ADAMTSL3: variants seen among roughly 807,000 people sequenced by gnomAD.
The protein encoded by ADAMTSL3 is ADAMTS-like protein 3.
Under a neutral mutation model 201.7 loss-of-function variants are expected in ADAMTSL3, and 128 were observed. That is an observed-to-expected ratio of 0.63 (90% CI 0.55 to 0.73). The LOEUF (loss-of-function observed/expected upper bound fraction) is 0.73, where lower values mean the gene tolerates loss of function less well. Ranked by LOEUF, ADAMTSL3 falls within the 30% of genes least tolerant of loss-of-function variation. The probability of loss-of-function intolerance (pLI) is 0.00; values close to 1 mark genes in which losing one functional copy is unlikely to be tolerated. For synonymous variants in ADAMTSL3, 738 were observed against 748.4 expected (o/e 0.99, Z 0.23); for missense variants, 1,990 against 2,119.6 (o/e 0.94, Z 1.20).
Position 83,982,934 on chromosome 15 carries a change from C to T in ADAMTSL3, c.3306C>T (p.Asn1102=), listed in dbSNP as rs900978210. Residue 1102 remains asparagine, a synonymous_variant, in exon 21 of 30, where the codon AAC becomes AAT. Transcript: ENST00000286744. ...DTAQFDELIR[N]MSQLMETGEV... The stretch of plus-strand genomic sequence containing the variant: ...CCCAGTTTGATGAGCTGATAAGAAA[C>T]ATGAGTCAGCTCATGGAAACCGGAG... The T allele has an allele frequency of 1.2e-6, 2 of 1,613,972 alleles. No homozygotes were observed. Among genetic ancestry groups the T allele is most frequent in the African/African-American group, 2.7e-5 (2 of 74,914 alleles).
rs554474406 is a variant in ADAMTSL3 at position 83,868,388 on chromosome 15, T to C, written c.803-2414T>C. Among the ~76,000 whole-genome samples, 5 of 152,360 alleles carry C rather than the reference T, an allele frequency of 3.3e-5. No homozygotes were observed. The East Asian group carries it at 9.6e-4, about 29-fold the overall frequency. On this transcript the variant is annotated intron_variant, in intron 8 of 29. Coordinates refer to ENST00000286744, the MANE Select transcript of ADAMTSL3 (RefSeq NM_207517.3). ...ACACCACAAACTCCTTTTTTTGTCA[T>C]TTATTTTTAAGAGGCACCAGCACAA...
chr15:83,937,151 A>G (rs2066475399), intron 17 of ADAMTSL3, among the ~76,000 whole-genome samples: 1 of 151,012 alleles, frequency 6.6e-6, no homozygotes, highest in African/African-American at 2.5e-5. Context: ...CAGCAATTTC[A>G]TTATTGGGTA....
chr15:83,811,232 G>T (rs2063690617), intron 5 of ADAMTSL3, among the ~76,000 whole-genome samples: 1 of 152,166 alleles, frequency 6.6e-6, no homozygotes, highest in South Asian at 2.1e-4. Context: ...GGCCAAGGTG[G>T]TGCATTATTT....
At chr15:83,724,290 G>A (rs1181282369) in intron 3 of ADAMTSL3, among the ~76,000 whole-genome samples, 1 of 151,638 alleles carries the variant, frequency 6.6e-6, no homozygotes, top group Admixed American at 6.6e-5. Flanking sequence ...GTAGAGACAC[G>A]GGTTTCACCA....
At chr15:83,844,076 G>A (rs1402744815) in intron 7 of ADAMTSL3, among the ~76,000 whole-genome samples, 1 of 152,150 alleles carries the variant, frequency 6.6e-6, no homozygotes, top group African/African-American at 2.4e-5. Context: ...TCCTTATTTT[G>A]GTCTTGTCCA....
chr15:83,996,837 G>C (rs1396399184), intron 23 of ADAMTSL3, among the ~76,000 whole-genome samples: 1 of 132,698 alleles, frequency 7.5e-6, no homozygotes, highest in Non-Finnish European at 1.6e-5. Context: ...GCAATTGTCA[G>C]AAAGTGAAAC....
Position 83,892,844 on chromosome 15 carries a change from A to G in ADAMTSL3, c.1423A>G (p.Asn475Asp). 1.2e-6 allele frequency: 2 copies of G among 1,614,088 alleles called. No individual in the cohort carries two copies. The highest frequency in any genetic ancestry group is 1.7e-6 in the Non-Finnish European group (2 of 1,180,000). The change falls in exon 13 of 30, where the codon AAT (asparagine) becomes GAT (aspartate). Residue 475 changes from asparagine to aspartate, a missense_variant. Physicochemically the swap from Asn to Asp is conservative, Grantham distance 23. Coordinates refer to ENST00000286744, the MANE Select transcript of ADAMTSL3 (RefSeq NM_207517.3). Reference sequence around the variant, plus strand: ...CAAACCCAAGGTTATGCAAACTTGTAATCTGTTTGATTGCCCCAAGTGGAT... The same window carrying G: ...CAAACCCAAGGTTATGCAAACTTGTGATCTGTTTGATTGCCCCAAGTGGAT... ...APKPKVMQTC[N>D]LFDCPKWIAM...
At chr15:83,862,148 G>A (rs1454780111) in intron 8 of ADAMTSL3, 1 of 152,210 alleles carries the variant, frequency 6.6e-6, no homozygotes, top group African/African-American at 2.4e-5. Context: ...TCTGATTGGT[G>A]TACCTGAAAG....
chr15:83,802,736 G>A (rs2063544143), intron 4 of ADAMTSL3, among the ~76,000 whole-genome samples: 1 of 152,162 alleles, frequency 6.6e-6, no homozygotes, highest in Admixed American at 6.5e-5. Context: ...GAGCATTTTT[G>A]GGGTGATGGA....
intron 15 of ADAMTSL3, among the ~76,000 whole-genome samples, chr15:83,911,503 G>A (rs2065934097): frequency 6.6e-6 from 1 of 152,280 alleles, no homozygotes; most frequent in African/African-American, 2.4e-5. Context: ...TACCATGAGA[G>A]TAGCAGAGAA....
chr15:83,803,027 T>A (rs1489978946), intron 4 of ADAMTSL3, among the ~76,000 whole-genome samples: 3 of 152,186 alleles, frequency 2.0e-5, no homozygotes, highest in Non-Finnish European at 4.4e-5. Flanking sequence ...AAAATAATGC[T>A]TGTATAATGG....
chr15:83,667,391 G>T (rs955525516), intron 2 of ADAMTSL3, among the ~76,000 whole-genome samples: 1 of 152,066 alleles, frequency 6.6e-6, no homozygotes, highest in Non-Finnish European at 1.5e-5. Context: ...AATGGCATAT[G>T]GTATAATGGA....
intron 23 of ADAMTSL3, among the ~76,000 whole-genome samples, chr15:84,002,805 G>A (rs1308840442): frequency 6.6e-6 from 1 of 152,030 alleles, no homozygotes; most frequent in African/African-American, 2.4e-5. Flanking sequence ...TGAAAGTCAT[G>A]GATTCCTGTG....
rs147325857 is a variant in ADAMTSL3 at position 83,892,810 on chromosome 15, G to A, written c.1389G>A (p.Met463Ile). ...EILQVEEWKCMYAPKPKVMQT... is the reference protein window; with the variant it reads ...EILQVEEWKCIYAPKPKVMQT... ...TGCAGGTGGAAGAATGGAAGTGCATGTACGCACCCAAACCCAAGGTTATGC... is the reference window on the plus strand; with the variant it reads ...TGCAGGTGGAAGAATGGAAGTGCATATACGCACCCAAACCCAAGGTTATGC... The change falls in exon 13 of 30, where the codon ATG becomes ATA. Residue 463 changes from methionine (M) to isoleucine (I), a missense_variant. Met to Ile is a conservative substitution (Grantham distance 10). Transcript: ENST00000286744. The A allele has an allele frequency of 1.9e-6, 3 of 1,614,118 alleles. No individual in the cohort carries two copies. Among genetic ancestry groups the A allele is most frequent in the African/African-American group, 2.7e-5 (2 of 75,034 alleles).
At chr15:83,813,745 C>T (rs1475795943) in intron 5 of ADAMTSL3, among the ~76,000 whole-genome samples, 1 of 152,164 alleles carries the variant, frequency 6.6e-6, no homozygotes, top group East Asian at 1.9e-4. Context: ...TGACTGCTGT[C>T]TTCAGACATA....
intron 2 of ADAMTSL3, among the ~76,000 whole-genome samples, chr15:83,669,421 G>A (rs2061293481): frequency 6.7e-6 from 1 of 148,914 alleles, no homozygotes; most frequent in Non-Finnish European, 1.5e-5. Context: ...TGAGATCACA[G>A]GCGTGAGCCA....
At chr15:84,036,349 G>A (rs1225583555) in intron 28 of ADAMTSL3, among the ~76,000 whole-genome samples, 6 of 152,152 alleles carry the variant, frequency 3.9e-5, no homozygotes, top group Non-Finnish European at 8.8e-5. Flanking sequence ...GTCATACACC[G>A]CAGTATGTTT....
At chr15:83,784,712 C>T (rs1312530762) in intron 4 of ADAMTSL3, among the ~76,000 whole-genome samples, 1 of 152,034 alleles carries the variant, frequency 6.6e-6, no homozygotes, top group East Asian at 1.9e-4. Context: ...TTAAAAACCA[C>T]ATTTTAATAA....
chr15:84,037,187 GA>G (rs1236687463), intron 29 of ADAMTSL3, among the ~76,000 whole-genome samples, 200 bp downstream of exon 29: 2 of 152,168 alleles, frequency 1.3e-5, no homozygotes, highest in Non-Finnish European at 2.9e-5. Context: ...GTTCTCTAGA[GA>G]AAAGGCAGTT....
Sources: allele counts gnomAD v4.1 joint callset (sites outside exome capture counted in the v4.1 genomes callset), GRCh38; gene constraint gnomAD v4.1.1; transcripts MANE v1.5; gene names NCBI Gene and HGNC (gene_info 2026-07-23, HGNC 2026-07-21).